The following RSRC1 variants were observed in gnomAD, a reference collection of about 807,000 sequenced individuals.
The protein encoded by RSRC1 is serine/Arginine-related protein 53.
Under a neutral mutation model 49.1 loss-of-function variants are expected in RSRC1, and 39 were observed. The observed-to-expected ratio is 0.79, with a 90% CI of 0.61 to 1.04. The LOEUF (loss-of-function observed/expected upper bound fraction) is 1.04, where lower values mean the gene tolerates loss of function less well. Among genes scored for constraint, RSRC1 ranks in the 50% least tolerant of loss-of-function variants. The probability of loss-of-function intolerance (pLI) is 0.00; values close to 1 mark genes in which losing one functional copy is unlikely to be tolerated. For synonymous variants in RSRC1, 143 were observed against 130.8 expected (o/e 1.09, Z -0.63); for missense variants, 388 against 402.4 (o/e 0.96, Z 0.31).
intron 4 of RSRC1, among the ~76,000 whole-genome samples, chr3:158,267,035 A>G (rs1483108818): frequency 1.3e-5 from 2 of 152,184 alleles, no homozygotes; most frequent in African/African-American, 4.8e-5. Flanking sequence ...AAGTACTGGG[A>G]TTACAGACAT....
chr3:158,480,490 T>C (rs554062828), intron 7 of RSRC1, among the ~76,000 whole-genome samples: 13 of 152,188 alleles, frequency 8.5e-5, no homozygotes, highest in Non-Finnish European at 1.5e-4. Flanking sequence ...TAGAAAGTGC[T>C]CTGAATGCGA....
rs2108291114 is a variant in RSRC1 at position 158,213,774 on chromosome 3, A to G, written c.494+10529A>G. On this transcript the variant is annotated intron_variant, in intron 4 of 9. Coordinates refer to ENST00000611884, the MANE Select transcript of RSRC1 (RefSeq NM_001271838.2). ...AAGGAGGGCATTCTACATTAGAAAAAGAAATGGGTAGATATCAGATTTTGA... is the reference window on the plus strand; with the variant it reads ...AAGGAGGGCATTCTACATTAGAAAAGGAAATGGGTAGATATCAGATTTTGA... 2.0e-5 allele frequency among the ~76,000 whole-genome samples: 3 copies of G among 152,084 alleles called. No homozygotes were observed. In the Middle Eastern group the frequency reaches 0.01, roughly 517 times the overall value.
intron 4 of RSRC1, among the ~76,000 whole-genome samples, chr3:158,235,616 C>T (rs1171619534): frequency 6.7e-6 from 1 of 149,732 alleles, no homozygotes; most frequent in Non-Finnish European, 1.5e-5. Flanking sequence ...CTTAACACTA[C>T]AGAATTTTTA....
intron 3 of RSRC1, among the ~76,000 whole-genome samples, chr3:158,151,392 C>A (rs935811547): frequency 1.3e-5 from 2 of 152,110 alleles, no homozygotes; most frequent in Non-Finnish European, 2.9e-5. Context: ...ATGTTTCTTT[C>A]TTTTGGGGAT....
intron 7 of RSRC1, among the ~76,000 whole-genome samples, chr3:158,535,108 C>A (rs1210838369): frequency 2.6e-5 from 4 of 151,120 alleles, no homozygotes; most frequent in Non-Finnish European, 5.9e-5. Context: ...AACAAATAAA[C>A]CTAATTGTAT....
At chr3:158,147,546 T>G (rs1717221408) in intron 3 of RSRC1, among the ~76,000 whole-genome samples, 1 of 152,130 alleles carries the variant, frequency 6.6e-6, no homozygotes, top group African/African-American at 2.4e-5. Flanking sequence ...AAACCTAACT[T>G]TAAATTTATC....
chr3:158,158,793 G>A (rs1417122862), intron 3 of RSRC1, among the ~76,000 whole-genome samples: 1 of 151,978 alleles, frequency 6.6e-6, no homozygotes, highest in African/African-American at 2.4e-5. Flanking sequence ...TACAAAAATT[G>A]CCAGGCCTGG....
chr3:158,115,937 T>C (rs577792689), intron 1 of RSRC1, among the ~76,000 whole-genome samples: 1 of 152,338 alleles, frequency 6.6e-6, no homozygotes, highest in Admixed American at 6.5e-5. Flanking sequence ...TACTCCATTA[T>C]GTTAAAATCT....
At chr3:158,410,233 A>C (rs2108320410) in intron 6 of RSRC1, among the ~76,000 whole-genome samples, 1 of 152,278 alleles carries the variant, frequency 6.6e-6, no homozygotes, top group South Asian at 2.1e-4. Context: ...CTACTTCTCC[A>C]GTCTCATCCT....
chr3:158,386,538 C>G lies in RSRC1; in HGVS notation c.583+31630C>G, dbSNP rs1184698494. ...TAACGTAGGTCTTGTAGTGAGATAC[C>G]TGCTAGAGGCTATATTATATGACCA... On this transcript the variant is annotated intron_variant, in intron 6 of 9. Transcript: ENST00000611884. 2.0e-5 allele frequency among the ~76,000 whole-genome samples: 3 copies of G among 151,868 alleles called. 1 individual carries two copies. Among genetic ancestry groups the G allele is most frequent in the African/African-American group, 7.3e-5 (3 of 41,372 alleles).
chr3:158,444,046 C>CA, intron 6 of RSRC1, among the ~76,000 whole-genome samples: 1 of 152,202 alleles, frequency 6.6e-6, no homozygotes, highest in South Asian at 2.1e-4. Flanking sequence ...GCAGTAGCAT[C>CA]AAAAATCACT....
chr3:158,168,017 G>A (rs754472098), intron 3 of RSRC1, among the ~76,000 whole-genome samples: 1 of 151,904 alleles, frequency 6.6e-6, no homozygotes, highest in Non-Finnish European at 1.5e-5. Flanking sequence ...GTGAGGGAGG[G>A]TATCGTAGAC....
In RSRC1 at chr3:158,161,961, C is replaced by T. The variant is rs143784342; in HGVS notation, c.320+37970C>T. 1.4e-3 allele frequency among the ~76,000 whole-genome samples: 207 copies of T among 152,102 alleles called. 2 individuals carry two copies. The highest frequency in any genetic ancestry group is 4.8e-3 in the African/African-American group (200 of 41,506). On this transcript the variant is annotated intron_variant, in intron 3 of 9. Transcript: ENST00000611884. ...TATCACTGCACTCCAGCTTGGGTGA[C>T]GGAGTGAGACCCCATCTCAACAAAG... is the stretch of plus-strand genomic sequence containing the variant.
At chr3:158,398,514 G>A (rs1468292925) in intron 6 of RSRC1, among the ~76,000 whole-genome samples, 2 of 152,062 alleles carry the variant, frequency 1.3e-5, no homozygotes, top group Non-Finnish European at 2.9e-5. Flanking sequence ...CATAAAGGTG[G>A]ATCCCTCATG....
intron 6 of RSRC1, 92 bp downstream of exon 6, chr3:158,355,000 A>G (rs1387684580): frequency 1.7e-5 from 13 of 755,592 alleles, no homozygotes; most frequent in Non-Finnish European, 2.6e-5. Context: ...AAAAAAAAAC[A>G]CTATTTTTAT....
intron 7 of RSRC1, among the ~76,000 whole-genome samples, chr3:158,484,826 A>G (rs559595771): frequency 4.6e-5 from 7 of 152,238 alleles, no homozygotes; most frequent in African/African-American, 1.4e-4. Flanking sequence ...CTATAACTCA[A>G]CTGAATACTT....
chr3:158,420,251 C>G (rs1734968794), intron 6 of RSRC1, among the ~76,000 whole-genome samples: 1 of 151,948 alleles, frequency 6.6e-6, no homozygotes, highest in African/African-American at 2.4e-5. Context: ...GAACTCTGCC[C>G]TCCAGTTAGA....
At chr3:158,339,014 C>T (rs1165156885) in intron 5 of RSRC1, among the ~76,000 whole-genome samples, 11 of 152,154 alleles carry the variant, frequency 7.2e-5, no homozygotes, top group South Asian at 2.1e-4. Flanking sequence ...ATACTAGGGC[C>T]GGGCGCGGTG....
At chr3:158,267,002 G>A (rs559447681) in intron 4 of RSRC1, among the ~76,000 whole-genome samples, 81 of 152,164 alleles carry the variant, frequency 5.3e-4, no homozygotes, top group Non-Finnish European at 1.1e-3. Context: ...GAGCTCAAGT[G>A]ATCCATCTGC....
Sources: gnomAD v4.1 joint callset for allele counts (sites outside exome capture counted in the v4.1 genomes callset) on GRCh38, gnomAD v4.1.1 for gene constraint, MANE v1.5 for transcripts, NCBI Gene and HGNC (gene_info 2026-07-23, HGNC 2026-07-21) for gene names.